The following ADAMTS17 variants were observed in gnomAD, a reference collection of about 807,000 sequenced individuals.
The protein encoded by ADAMTS17 is ADAM metallopeptidase with thrombospondin type 1 motif 17, also known as A disintegrin and metalloproteinase with thrombospondin motifs 17.
In ADAMTS17, 113 loss-of-function variants were observed where a neutral mutation model predicts 141.5. That is an observed-to-expected ratio of 0.80 (90% CI 0.69 to 0.93). ADAMTS17 has a LOEUF of 0.93. Among genes scored for constraint, ADAMTS17 ranks in the 40% least tolerant of loss-of-function variants. The pLI is 0.00. For synonymous variants in ADAMTS17, 768 were observed against 630.6 expected (o/e 1.22, Z -3.27); for missense variants, 1,659 against 1,517.9 (o/e 1.09, Z -1.54).
chr15:100,317,929 C>A (rs1232603469), intron 3 of ADAMTS17, among the ~76,000 whole-genome samples: 1 of 152,138 alleles, frequency 6.6e-6, no homozygotes, highest in Non-Finnish European at 1.5e-5. Flanking sequence ...CTGAAGCGGC[C>A]AAGAGCAGAG....
intron 15 of ADAMTS17, among the ~76,000 whole-genome samples, chr15:100,066,645 T>C (rs57255780): frequency 0.03 from 4,550 of 152,298 alleles, 239 homozygotes; most frequent in African/African-American, 0.1. Flanking sequence ...TTGGTTGTTA[T>C]TGTCCTTTAA....
chr15:100,076,692 T>A (rs2034402395), intron 15 of ADAMTS17, among the ~76,000 whole-genome samples: 1 of 152,212 alleles, frequency 6.6e-6, no homozygotes, highest in African/African-American at 2.4e-5. Flanking sequence ...GTGTTCATTG[T>A]CATTTTCCTT....
intron 7 of ADAMTS17, among the ~76,000 whole-genome samples, chr15:100,228,263 CACCATCCAGCGCGTG>C (rs1228022404): frequency 6.6e-6 from 1 of 152,210 alleles, no homozygotes; most frequent in Non-Finnish European, 1.5e-5. Context: ...TCTACTTTGA[CACCATCCAGCGCGTG>C]ACCTCTGCAT....
chr15:100,250,356 G>A (rs1039240109), intron 7 of ADAMTS17, among the ~76,000 whole-genome samples: 4 of 152,140 alleles, frequency 2.6e-5, no homozygotes, highest in African/African-American at 7.2e-5. Context: ...AGCATCTCAC[G>A]CTCGAGCTGG....
chr15:100,138,424 C>G (rs1481444197), intron 10 of ADAMTS17, among the ~76,000 whole-genome samples: 1 of 152,056 alleles, frequency 6.6e-6, no homozygotes, highest in African/African-American at 2.4e-5. Flanking sequence ...ATTACATAAA[C>G]AAGCTAGCAG....
rs527391038 is a variant in ADAMTS17, at chr15:100,291,752, T to C, written c.617-10351A>G. Among the ~76,000 whole-genome samples the C allele has an allele frequency of 7.9e-5, 12 of 152,274 alleles. 1 individual carries two copies. The South Asian group carries it at 2.5e-3, about 32-fold the overall frequency. On this transcript the variant is annotated intron_variant, in intron 3 of 21. Coordinates refer to ENST00000268070, the MANE Select transcript of ADAMTS17 (RefSeq NM_139057.4). ...ACTAACACCAGAACAGAAAACCAAATACTGCAAGTTCTCATTTATAAGTGG... is the reference window on the plus strand; with the variant it reads ...ACTAACACCAGAACAGAAAACCAAACACTGCAAGTTCTCATTTATAAGTGG...
At chr15:100,168,210 A>G (rs1481968228) in intron 8 of ADAMTS17, among the ~76,000 whole-genome samples, 1 of 152,218 alleles carries the variant, frequency 6.6e-6, no homozygotes, top group African/African-American at 2.4e-5. Context: ...CCAAGGGTGC[A>G]CTGCGAATGA....
At chr15:100,008,037 A>T (rs1433585039) in intron 18 of ADAMTS17, among the ~76,000 whole-genome samples, 1 of 152,100 alleles carries the variant, frequency 6.6e-6, no homozygotes, top group Non-Finnish European at 1.5e-5. Context: ...CCTGAAAGGC[A>T]TCTTTGGATT....
chr15:100,164,815 T>C (rs910963822), intron 8 of ADAMTS17, among the ~76,000 whole-genome samples: 2 of 152,174 alleles, frequency 1.3e-5, no homozygotes, highest in African/African-American at 2.4e-5. Context: ...GTAAGACTCC[T>C]GGAGTAAAGC....
chr15:100,047,351 C>T (rs376670208), intron 18 of ADAMTS17, among the ~76,000 whole-genome samples: 1,883 of 133,222 alleles, frequency 0.014, 47 homozygotes, highest in African/African-American at 0.049. Context: ...TTGTGAAGTA[C>T]GTGATCTCTG....
chr15:100,333,966 A>G (rs1157288497), intron 2 of ADAMTS17, among the ~76,000 whole-genome samples: 1 of 152,242 alleles, frequency 6.6e-6, no homozygotes, highest in Non-Finnish European at 1.5e-5. Context: ...TAAAAGAGAA[A>G]TCTTCAGTTT....
At chr15:100,173,310 G>A (rs1361845272) in intron 8 of ADAMTS17, among the ~76,000 whole-genome samples, 1 of 151,892 alleles carries the variant, frequency 6.6e-6, no homozygotes, top group African/African-American at 2.4e-5. Flanking sequence ...TCATCTATGT[G>A]CTTAGAAGCT....
At chr15:100,270,414 T>C (rs1327496873) in intron 4 of ADAMTS17, among the ~76,000 whole-genome samples, 1 of 152,206 alleles carries the variant, frequency 6.6e-6, no homozygotes, top group Non-Finnish European at 1.5e-5. Context: ...TATTTATGCA[T>C]AAACACTTTC....
At chr15:100,106,340 C>G (rs566447123) in intron 14 of ADAMTS17, among the ~76,000 whole-genome samples, 22 of 152,320 alleles carry the variant, frequency 1.4e-4, no homozygotes, top group Non-Finnish European at 2.8e-4. Context: ...GTTAGAGCAG[C>G]CTGAGTTGAC....
At chr15:100,043,505 G>C (rs1567080552) in intron 18 of ADAMTS17, among the ~76,000 whole-genome samples, 2 of 152,210 alleles carry the variant, frequency 1.3e-5, no homozygotes, top group South Asian at 2.1e-4. Flanking sequence ...CTCATGCTGA[G>C]AGCGTGGTGC....
In ADAMTS17 at chr15:100,152,735, G is replaced by A. The variant is rs1567265060; in HGVS notation, c.1350C>T (p.Val450=). 6.2e-7 allele frequency: 1 copy of A among 1,614,226 alleles called. No homozygotes were observed. The highest frequency in any genetic ancestry group is 8.5e-7 in the Non-Finnish European group (1 of 1,180,046). ...CTGTGTGCTGGCTTCTGGGGTCCGT[G>A]ACTAGCAAGCAGGTGCTGACTTTTG... ...LKSKVSTCLL[V]TDPRSQHTVR... is the part of the protein sequence containing the mutation. Residue 450 remains valine (V), a synonymous_variant, in exon 10 of 22, where the codon GTC becomes GTT. Transcript: ENST00000268070.
intron 8 of ADAMTS17, among the ~76,000 whole-genome samples, chr15:100,162,928 CTA>C (rs202139654): frequency 0.014 from 1,913 of 136,696 alleles, 47 homozygotes; most frequent in African/African-American, 0.049. Context: ...ATATATATAA[CTA>C]TATATGTATA....
chr15:100,037,521 A>G (rs113407310), intron 18 of ADAMTS17, among the ~76,000 whole-genome samples: 11,547 of 150,238 alleles, frequency 0.077, 1,096 homozygotes, highest in African/African-American at 0.23. Context: ...AGCCATTCTC[A>G]TGCCTGTCCC....
At position 100,109,148 on chromosome 15, in the gene ADAMTS17, C is replaced by G. The variant is rs185129613; in HGVS notation, c.1889-32G>C. On this transcript the variant is annotated intron_variant, in intron 13 of 21. Coordinates refer to ENST00000268070, the MANE Select transcript of ADAMTS17 (RefSeq NM_139057.4). ...AGGGAAAGGTTGGAGGACGTTGACA[C>G]GGGAAGGTGTGCGTGGGCCATGCAG... 3.3e-4 allele frequency: 524 copies of G among 1,586,962 alleles called. 4 individuals carry two copies. The East Asian group carries it at 0.011, about 34-fold the overall frequency.
Sources: gnomAD v4.1 joint callset for allele counts (sites outside exome capture counted in the v4.1 genomes callset) on GRCh38, gnomAD v4.1.1 for gene constraint, MANE v1.5 for transcripts, NCBI Gene and HGNC (gene_info 2026-07-23, HGNC 2026-07-21) for gene names.